Variants in NEFM observed in about 807,000 individuals in gnomAD.
NEFM encodes the protein neurofilament medium chain, also known as neurofilament medium polypeptide.
A neutral mutation model predicts 48.1 loss-of-function variants in NEFM; 16 were observed. The observed-to-expected ratio is 0.33, with a 90% CI of 0.23 to 0.51. NEFM has a LOEUF of 0.51. Among genes scored for constraint, NEFM ranks in the 20% least tolerant of loss-of-function variants. The probability of loss-of-function intolerance (pLI) is 0.98; values close to 1 mark genes in which losing one functional copy is unlikely to be tolerated. For synonymous variants in NEFM, 465 were observed against 456.9 expected, an observed-to-expected ratio of 1.02 and a Z score of -0.23; for missense variants, 1,107 against 1,136.0, an observed-to-expected ratio of 0.97 and a Z score of 0.37.
At position 24,914,568 on chromosome 8, in the gene NEFM, A is replaced by G; in HGVS notation, c.775A>G (p.Lys259Glu). Residue 259 changes from lysine (K) to glutamate (E), a missense_variant, in exon 1 of 3, where the codon AAA becomes GAA. By Grantham distance (56) the Lys-to-Glu change is moderately conservative. Transcript: ENST00000221166. Reference protein sequence around the residue: ...IQASHITVERKDYLKTDISTA... With the variant: ...IQASHITVEREDYLKTDISTA... ...GGCATCGCACATCACGGTGGAGCGCAAAGACTACCTGAAGACAGACATCTC... is the reference window on the plus strand; with the variant it reads ...GGCATCGCACATCACGGTGGAGCGCGAAGACTACCTGAAGACAGACATCTC... 6.2e-7 allele frequency: 1 copy of G among 1,614,180 alleles called. No individual in the cohort carries two copies. Among genetic ancestry groups the G allele is most frequent in the East Asian group, 2.2e-5 (1 of 44,866 alleles).
In NEFM at chr8:24,914,365, A is replaced by C. The variant is rs2117219628; in HGVS notation, c.572A>C (p.Glu191Ala). The C allele has an allele frequency of 6.2e-7, 1 of 1,613,616 alleles. No individual in the cohort carries two copies. The highest frequency in any genetic ancestry group is 1.3e-5 in the African/African-American group (1 of 75,064). The change falls in exon 1 of 3, where the codon GAG becomes GCG. Residue 191 changes from glutamate to alanine, a missense_variant. By Grantham distance (107) the Glu-to-Ala change is moderately radical (BLOSUM62 -1). Coordinates refer to ENST00000221166, the MANE Select transcript of NEFM (RefSeq NM_005382.2). The stretch of plus-strand genomic sequence containing the variant: ...CACCGGCTCAAGGAGCGCTTTGAGG[A>C]GGAGGCGCGGTTGCGCGACGACACT... ...DIHRLKERFE[E>A]EARLRDDTEA...
rs1802616827 is a variant in NEFM at position 24,918,472 on chromosome 8, A to T, written c.2617A>T (p.Ile873Phe). ...SEGGDGATKYITKSVTVTQKV... is the reference protein window; with the variant it reads ...SEGGDGATKYFTKSVTVTQKV... ...GGGGGGAGATGGTGCTACCAAATAC[A>T]TCACTAAATCTGTAACCGTCACTCA... The change falls in exon 3 of 3, where the codon ATC becomes TTC. Residue 873 changes from isoleucine (I) to phenylalanine (F), a missense_variant. Ile to Phe is a conservative substitution (Grantham distance 21, BLOSUM62 0). Around this residue, in one of 3 missense-constraint regions of NEFM, gnomAD observed 917 missense variants for 916.4 expected, o/e 1.00. Transcript: ENST00000221166. 1 of 1,614,142 alleles carries T rather than the reference A, an allele frequency of 6.2e-7. No homozygotes were observed.
chr8:24,915,828 G>C lies in NEFM; in HGVS notation c.1205+99G>C, dbSNP rs145996154. ...CTTAAGTTAAAGCAGGCAGGGTGCA[G>C]GCATCAACTCAGCACCTGGTTATCT... On this transcript the variant is annotated intron_variant, in intron 2 of 2. Coordinates refer to ENST00000221166, the MANE Select transcript of NEFM (RefSeq NM_005382.2). The C allele has an allele frequency of 1.9e-3, 2,819 of 1,513,454 alleles. 42 individuals are homozygous for C. In the South Asian group the frequency reaches 0.02, roughly 11 times the overall value. 93.8% of individuals were successfully genotyped at this position (1,513,454 alleles called of 1,614,324 possible).
Position 24,917,627 on chromosome 8 carries a change from A to C in NEFM, c.1772A>C (p.Lys591Thr). 1 of 1,612,854 alleles carries C rather than the reference A, an allele frequency of 6.2e-7. No individual in the cohort carries two copies. The highest frequency in any genetic ancestry group is 8.5e-7 in the Non-Finnish European group (1 of 1,179,762). Reference sequence around the variant, plus strand: ...AAAGAGGAAAAGAAAGTGGAGGAAAAGAGTGAGGAAGTGGCTACCAAGGAG... The same window carrying C: ...AAAGAGGAAAAGAAAGTGGAGGAAACGAGTGAGGAAGTGGCTACCAAGGAG... ...EAKEEKKVEE[K>T]SEEVATKEEL... Residue 591 changes from lysine (K) to threonine (T), a missense_variant, in exon 3 of 3, where the codon AAG (lysine) becomes ACG (threonine). This residue lies in a region of NEFM where 917 missense variants were observed against 916.4 expected (regional missense o/e 1.00). Coordinates refer to ENST00000221166, the MANE Select transcript of NEFM (RefSeq NM_005382.2).
In NEFM at chr8:24,914,462, G is replaced by T. The variant is rs1343981472; in HGVS notation, c.669G>T (p.Lys223Asn). 6.2e-7 allele frequency: 1 copy of T among 1,613,952 alleles called. No homozygotes were observed. Among genetic ancestry groups the T allele is most frequent in the Admixed American group, 1.7e-5 (1 of 60,026 alleles). Reference protein sequence around the residue: ...ASLVKVELDKKVQSLQDEVAF... With the variant: ...ASLVKVELDKNVQSLQDEVAF... Reference sequence around the variant, plus strand: ...TGGTCAAGGTGGAGCTGGACAAGAAGGTGCAGTCGCTGCAGGATGAGGTGG... The same window carrying T: ...TGGTCAAGGTGGAGCTGGACAAGAATGTGCAGTCGCTGCAGGATGAGGTGG... Residue 223 changes from lysine to asparagine, a missense_variant, in exon 1 of 3, where the codon AAG becomes AAT. Around this residue, in one of 3 missense-constraint regions of NEFM, gnomAD observed 917 missense variants for 916.4 expected, o/e 1.00. Transcript: ENST00000221166.
Position 24,919,010 on chromosome 8 carries a change from G to A in NEFM, c.*404G>A. On this transcript the variant is annotated 3_prime_UTR_variant, in exon 3 of 3. Coordinates refer to ENST00000221166, the MANE Select transcript of NEFM (RefSeq NM_005382.2). ...CTTTTGTTCATGGGAGAACCTCGTT[G>A]ACATGCACAGTTTGCAATCTTATGT... is the stretch of plus-strand genomic sequence containing the variant. 1 of 244,580 alleles carries A rather than the reference G, an allele frequency of 4.1e-6. No individual in the cohort carries two copies. 15.2% of individuals were successfully genotyped at this position (244,580 alleles called of 1,614,324 possible). A position where few individuals can be genotyped will look rare whatever the true frequency, so the allele number is the denominator to read the frequency against.
rs1802536150 is a variant in NEFM at position 24,914,144 on chromosome 8, G to A, written c.351G>A (p.Glu117=). The change falls in exon 1 of 3, where the codon GAG becomes GAA. Residue 117 remains glutamate, a synonymous_variant. Coordinates refer to ENST00000221166, the MANE Select transcript of NEFM (RefSeq NM_005382.2). ...GLNDRFAGYI[E]KVHYLEQQNK... ...ACGACCGCTTTGCCGGCTACATAGA[G>A]AAGGTGCACTACCTGGAGCAGCAGA... The A allele has an allele frequency of 4.3e-6, 7 of 1,613,028 alleles. No homozygotes were observed. The highest frequency in any genetic ancestry group is 5.9e-6 in the Non-Finnish European group (7 of 1,179,876).
chr8:24,915,156 G>A (rs1303739533), intron 1 of NEFM: 2 of 1,336,222 alleles, frequency 1.5e-6, no homozygotes, highest in African/African-American at 3.1e-5. Flanking sequence ...TTTAAAGCAG[G>A]AGGGATGAAT....
In NEFM at chr8:24,918,001, G is replaced by C. The variant is rs1470701670; in HGVS notation, c.2146G>C (p.Glu716Gln). The part of the protein sequence containing the change: ...EKEVKEAPKE[E>Q]KVEKKEEKPK... Reference sequence around the variant, plus strand: ...GGAAGTCAAGGAAGCTCCCAAGGAAGAGAAGGTAGAGAAAAAGGAAGAGAA... The same window carrying C: ...GGAAGTCAAGGAAGCTCCCAAGGAACAGAAGGTAGAGAAAAAGGAAGAGAA... Residue 716 changes from glutamate (E) to glutamine (Q), a missense_variant, in exon 3 of 3, where the codon GAG becomes CAG. By Grantham distance (29) the Glu-to-Gln change is conservative. This residue lies in a region of NEFM where 917 missense variants were observed against 916.4 expected (regional missense o/e 1.00). Coordinates refer to ENST00000221166, the MANE Select transcript of NEFM (RefSeq NM_005382.2). 6.3e-7 allele frequency: 1 copy of C among 1,594,718 alleles called. No homozygotes were observed. Among genetic ancestry groups the C allele is most frequent in the South Asian group, 1.1e-5 (1 of 88,898 alleles).
rs1294110497 is a variant in NEFM, at chr8:24,915,661, T to C, written c.1137T>C (p.Arg379=). ...GGGGCACAAAGTGGGAAATGGCTCG[T>C]CATTTGCGCGAATACCAGGACCTCC... The part of the protein sequence containing the change: ...ELRGTKWEMA[R]HLREYQDLLN... Residue 379 remains arginine, a synonymous_variant, in exon 2 of 3, where the codon CGT becomes CGC. Transcript: ENST00000221166. 1 of 1,614,022 alleles carries C rather than the reference T, an allele frequency of 6.2e-7. No homozygotes were observed. Among genetic ancestry groups the C allele is most frequent in the Non-Finnish European group, 8.5e-7 (1 of 1,179,984 alleles).
At chr8:24,916,924 T>G (rs1035776563) in intron 2 of NEFM, 137 bp from the exon 3 acceptor site, 3 of 791,714 alleles carry the variant, frequency 3.8e-6, no homozygotes, top group Admixed American at 3.7e-5. Context: ...GCAGGTATTA[T>G]AGTGAATTCA....
At chr8:24,915,415 T>C in intron 1 of NEFM, 190 bp from the exon 2 acceptor site, 2 of 1,081,070 alleles carry the variant, frequency 1.9e-6, no homozygotes, top group Non-Finnish European at 2.6e-6. Flanking sequence ...ATCTTGTATG[T>C]TCATTTGAGA....
In NEFM at chr8:24,917,170, C is replaced by A. The variant is rs196864; in HGVS notation, c.1315C>A (p.Pro439Thr). The A allele has an allele frequency of 0.93, 1,505,192 of 1,613,992 alleles. 703,298 individuals carry two copies. Among genetic ancestry groups the A allele is most frequent in the East Asian group, 1 (44,857 of 44,864 alleles). Reference sequence around the variant, plus strand: ...CACAATATCCAGTAAGATTCAGAAACCCAAGGTGGAAGCTCCCAAGCTTAA... The same window carrying A: ...CACAATATCCAGTAAGATTCAGAAAACCAAGGTGGAAGCTCCCAAGCTTAA... ...PITISSKIQK[P>T]KVEAPKLKVQ... The change falls in exon 3 of 3, where the codon CCC (proline) becomes ACC (threonine). Residue 439 changes from proline (P) to threonine (T), a missense_variant. Pro to Thr is a conservative substitution (Grantham distance 38). Coordinates refer to ENST00000221166, the MANE Select transcript of NEFM (RefSeq NM_005382.2).
rs1802623746 is a variant in NEFM at position 24,918,802 on chromosome 8, T to C, written c.*196T>C. 1.7e-6 allele frequency: 1 copy of C among 591,048 alleles called. No individual in the cohort carries two copies. Among genetic ancestry groups the C allele is most frequent in the South Asian group, 2.0e-5 (1 of 50,882 alleles). The allele number at this position is 591,048 out of a possible 1,614,324, so 36.6% of individuals were successfully genotyped here. On this transcript the variant is annotated 3_prime_UTR_variant, in exon 3 of 3. Coordinates refer to ENST00000221166, the MANE Select transcript of NEFM (RefSeq NM_005382.2). ...GGGGATTCAAATGCATGATATTGTA[T>C]GTACCTGGGAAATTTGCCGATTTCC...
rs371898352 is a variant in NEFM at position 24,917,826 on chromosome 8, G to A, written c.1971G>A (p.Pro657=). 1.4e-4 allele frequency: 231 copies of A among 1,610,270 alleles called. 1 individual carries two copies. The South Asian group carries it at 2.3e-3, about 16-fold the overall frequency. The stretch of plus-strand genomic sequence containing the variant: ...AAGAGAAAGGCAAGTCTCCTGTGCC[G>A]AAATCACCAGTGGAAGAGAAAGGCA... ...PVEEKGKSPV[P]KSPVEEKGKS... Residue 657 remains proline, a synonymous_variant, in exon 3 of 3, where the codon CCG becomes CCA. Transcript: ENST00000221166.
chr8:24,915,019 C>T, intron 1 of NEFM, 146 bp downstream of exon 1: 2 of 1,395,304 alleles, frequency 1.4e-6, no homozygotes, highest in South Asian at 1.6e-5. Context: ...AGGGTATTTG[C>T]GGATCAGCGT....
chr8:24,916,098 T>C (rs997322797), intron 2 of NEFM, among the ~76,000 whole-genome samples: 8 of 152,176 alleles, frequency 5.3e-5, no homozygotes, highest in African/African-American at 1.9e-4. Flanking sequence ...AAATGTATAA[T>C]GTCAAGGACA....
intron 2 of NEFM, 68 bp downstream of exon 2, chr8:24,915,797 C>T (rs1586107859): frequency 6.2e-7 from 1 of 1,609,608 alleles, no homozygotes; most frequent in Non-Finnish European, 8.5e-7. Context: ...GGCAGAGCTT[C>T]CACCACTTAA....
chr8:24,914,730 G>T lies in NEFM; in HGVS notation c.937G>T (p.Ala313Ser). ...AEQNKEAIRS[A>S]KEEIAEYRRQ... ...GCAGAACAAGGAGGCCATCCGCTCC[G>T]CCAAGGAAGAGATCGCCGAGTACCG... Residue 313 changes from alanine to serine, a missense_variant, in exon 1 of 3, where the codon GCC becomes TCC. Transcript: ENST00000221166. 1 of 1,613,718 alleles carries T rather than the reference G, an allele frequency of 6.2e-7. No homozygotes were observed. Among genetic ancestry groups the T allele is most frequent in the Non-Finnish European group, 8.5e-7 (1 of 1,179,884 alleles).
Sources: allele counts gnomAD v4.1 joint callset (sites outside exome capture counted in the v4.1 genomes callset), GRCh38; gene constraint gnomAD v4.1.1; regional missense constraint gnomAD v4.1.1; transcripts MANE v1.5; gene names NCBI Gene and HGNC (gene_info 2026-07-23, HGNC 2026-07-21).